The following ATP1A3 variants were observed in gnomAD, a reference collection of about 807,000 sequenced individuals.
ATP1A3 encodes ATPase Na+/K+ transporting subunit alpha 3, also known as sodium/potassium-transporting ATPase subunit alpha-3.
In ATP1A3, 12 loss-of-function variants were observed where a neutral mutation model predicts 108.8. The ratio of observed to expected loss-of-function variants is 0.11; its 90% CI spans 0.07 to 0.18. ATP1A3 has a LOEUF of 0.18. Among genes scored for constraint, ATP1A3 ranks in the 10% least tolerant of loss-of-function variants. The probability of loss-of-function intolerance (pLI) is 1.00; values close to 1 mark genes in which losing one functional copy is unlikely to be tolerated. For synonymous variants in ATP1A3, 539 were observed against 564.5 expected (o/e 0.95, Z 0.64); for missense variants, 498 against 1,387.7 (o/e 0.36, Z 10.19).
intron 15 of ATP1A3, among the ~76,000 whole-genome samples, chr19:41,976,124 C>A (rs1555861095): frequency 6.7e-6 from 1 of 149,820 alleles, no homozygotes; most frequent in African/African-American, 2.5e-5. Flanking sequence ...TCCCTCAGAC[C>A]CAAGGGTCCA....
At chr19:41,971,561 A>G (rs1351227453) in intron 16 of ATP1A3, among the ~76,000 whole-genome samples, 2 of 152,192 alleles carry the variant, frequency 1.3e-5, no homozygotes, top group Non-Finnish European at 2.9e-5. Flanking sequence ...GTCAAATACT[A>G]CACAGCAAGA....
rs148508295 is a variant in ATP1A3, at chr19:41,993,456, G to GCA, written c.6+613_6+614dup. ...TGCCTGCTCCCCTACATGAGGGGCT[G>GCA]CACACACACACACTGCAGCCCCAGG... On this transcript the variant is annotated intron_variant, in intron 1 of 22. Transcript: ENST00000648268. 1.5e-4 allele frequency: 222 copies of GCA among 1,514,498 alleles called. No individual in the cohort carries two copies. In the African/African-American group the frequency reaches 2.5e-3, roughly 17 times the overall value. The allele number at this position is 1,514,498 out of a possible 1,614,324, so 93.8% of individuals were successfully genotyped here. A position where few individuals can be genotyped will look rare whatever the true frequency, so the allele number is the denominator to read the frequency against.
chr19:41,969,438 C>T lies in ATP1A3; in HGVS notation c.2685G>A (p.Gln895=). 2.5e-6 allele frequency: 4 copies of T among 1,614,216 alleles called. No homozygotes were observed. The highest frequency in any genetic ancestry group is 3.4e-6 in the Non-Finnish European group (4 of 1,180,036). ...VNDLEDSYGQ[Q]WTYEQRKVVE... ...CACAGCACCCTGCCCTACTCACCCACTGCTGCCCGTAACTGTCTTCCAGGT... is the reference window on the plus strand; with the variant it reads ...CACAGCACCCTGCCCTACTCACCCATTGCTGCCCGTAACTGTCTTCCAGGT... The change falls in exon 19 of 23, where the codon CAG becomes CAA. Residue 895 remains glutamine (Q), a synonymous_variant. Transcript: ENST00000648268.
chr19:41,971,431 C>T (rs947131773), intron 16 of ATP1A3, among the ~76,000 whole-genome samples: 1 of 152,172 alleles, frequency 6.6e-6, no homozygotes, highest in Non-Finnish European at 1.5e-5. Flanking sequence ...ACTGTTTATG[C>T]CCAGCGAAAA....
intron 1 of ATP1A3, chr19:41,993,177 C>T: frequency 3.0e-5 from 5 of 168,842 alleles, no homozygotes; most frequent in South Asian, 8.3e-5. Context: ...TCTCCTGATT[C>T]CCCCTCCCTT....
At position 41,967,860 on chromosome 19, in the gene ATP1A3, G is replaced by T; in HGVS notation, c.2820-97C>A. On this transcript the variant is annotated intron_variant, in intron 20 of 22. Transcript: ENST00000648268. This position sits in a 1 kb window ranked among gnomAD's most constrained non-coding sequence, Gnocchi z 4.2. ...GGGAGGCACAGTGCAGACACCCAGA[G>T]ACAGCAGCACAGACACAGAGACAGA... 9.8e-7 allele frequency: 1 copy of T among 1,018,558 alleles called. No homozygotes were observed. The highest frequency in any genetic ancestry group is 1.5e-6 in the Non-Finnish European group (1 of 657,430). 63.1% of individuals were successfully genotyped at this position (1,018,558 alleles called of 1,614,324 possible). A position where few individuals can be genotyped will look rare whatever the true frequency, so the allele number is the denominator to read the frequency against.
chr19:41,971,244 C>A (rs782372600), intron 16 of ATP1A3, among the ~76,000 whole-genome samples: 8 of 152,172 alleles, frequency 5.3e-5, no homozygotes, highest in Non-Finnish European at 1.2e-4. Context: ...GCATAAGTCT[C>A]CACACCTGGC....
chr19:41,989,986 T>C (rs1300043495), intron 1 of ATP1A3, among the ~76,000 whole-genome samples: 3 of 152,198 alleles, frequency 2.0e-5, no homozygotes, highest in Admixed American at 6.5e-5. Context: ...CTCTTGGCTG[T>C]GTCTCCCCAG....
intron 4 of ATP1A3, 150 bp downstream of exon 4, chr19:41,987,786 A>G (rs2075300283): frequency 9.2e-7 from 1 of 1,088,866 alleles, no homozygotes; most frequent in African/African-American, 1.6e-5. Flanking sequence ...CTTGTATTTG[A>G]TCTGGTTCTC....
At chr19:41,993,438 T>C (rs1555868047) in intron 1 of ATP1A3, 9 of 1,532,708 alleles carry the variant, frequency 5.9e-6, no homozygotes, top group Non-Finnish European at 7.9e-6. Context: ...CCATGCCTGC[T>C]CCCCTACATG....
intron 1 of ATP1A3, chr19:41,993,319 C>G: frequency 6.9e-7 from 1 of 1,439,264 alleles, no homozygotes; most frequent in Non-Finnish European, 9.4e-7. Context: ...GAGGCAAGGA[C>G]ACAGCCAGGC....
intron 16 of ATP1A3, among the ~76,000 whole-genome samples, 199 bp downstream of exon 16, chr19:41,975,430 G>T (rs1384921872): frequency 1.3e-5 from 2 of 152,192 alleles, no homozygotes; most frequent in African/African-American, 4.8e-5. Flanking sequence ...ACCCTGAAGT[G>T]TGTCAGCTCA....
intron 8 of ATP1A3, among the ~76,000 whole-genome samples, chr19:41,982,617 C>G (rs1216287959): frequency 6.6e-6 from 1 of 150,800 alleles, no homozygotes; most frequent in Non-Finnish European, 1.5e-5. Context: ...CAGAGTGAGA[C>G]TCCAACTCAA....
chr19:41,976,014 A>G (rs2075163627), intron 15 of ATP1A3, among the ~76,000 whole-genome samples: 1 of 147,656 alleles, frequency 6.8e-6, no homozygotes, highest in African/African-American at 2.5e-5. Context: ...CCTCAGACCC[A>G]GAGGTCCAGG....
intron 8 of ATP1A3, chr19:41,984,522 C>T: frequency 4.9e-6 from 1 of 205,974 alleles, no homozygotes; most frequent in South Asian, 8.3e-5. Context: ...GTGCACCCAG[C>T]CTCATTATTT....
At position 41,978,500 on chromosome 19, in the gene ATP1A3, C is replaced by T; in HGVS notation, c.1630+106G>A. On this transcript the variant is annotated intron_variant, in intron 12 of 22. Coordinates refer to ENST00000648268, the MANE Select transcript of ATP1A3 (RefSeq NM_152296.5). This position sits in a 1 kb window ranked among gnomAD's most constrained non-coding sequence, Gnocchi z 8.3. ...CCATCCATTCATTCATTCATTCATT[C>T]ATTTACAGTATATTCTGGGAGGCCC... The T allele has an allele frequency of 1.3e-6, 2 of 1,520,514 alleles. No individual in the cohort carries two copies. Among genetic ancestry groups the T allele is most frequent in the Non-Finnish European group, 1.8e-6 (2 of 1,109,264 alleles). The allele number at this position is 1,520,514 out of a possible 1,614,324, so 94.2% of individuals were successfully genotyped here.
intron 4 of ATP1A3, 70 bp from the exon 5 acceptor site, chr19:41,986,299 G>A: frequency 6.7e-7 from 1 of 1,500,764 alleles, no homozygotes; most frequent in South Asian, 1.1e-5. Flanking sequence ...TGCTCGCCTG[G>A]AGTCTGGGAA....
rs1330675027 is a variant in ATP1A3 at position 41,967,593 on chromosome 19, G to A, written c.2921+69C>T. The A allele has an allele frequency of 3.9e-6, 6 of 1,531,174 alleles. No homozygotes were observed. The East Asian group carries it at 1.1e-4, about 29-fold the overall frequency. The allele number at this position is 1,531,174 out of a possible 1,614,324, so 94.8% of individuals were successfully genotyped here. A position where few individuals can be genotyped will look rare whatever the true frequency, so the allele number is the denominator to read the frequency against. ...AGGGGAGGTGGGGCCTGAGGTTCAG[G>A]CTGAGTCTAAGGGAAGGCTCCATGG... On this transcript the variant is annotated intron_variant, in intron 21 of 22. Transcript: ENST00000648268. The surrounding 1 kb of genome is among the most constrained non-coding windows in gnomAD (Gnocchi z 4.2).
At position 41,984,815 on chromosome 19, in the gene ATP1A3, C is replaced by A. The variant is rs1375210075; in HGVS notation, c.993+103G>T. 9 of 1,370,084 alleles carry A rather than the reference C, an allele frequency of 6.6e-6. No individual in the cohort carries two copies. The African/African-American group carries it at 8.7e-5, about 13-fold the overall frequency. 84.9% of individuals were successfully genotyped at this position (1,370,084 alleles called of 1,614,324 possible). ...CACGGGTCCAGGCCTCTAGCCCCTC[C>A]TCCCTCAGACTCAGGGGTCCAGGAT... On this transcript the variant is annotated intron_variant, in intron 8 of 22. Coordinates refer to ENST00000648268, the MANE Select transcript of ATP1A3 (RefSeq NM_152296.5).
Sources: gnomAD v4.1 joint callset for allele counts (sites outside exome capture counted in the v4.1 genomes callset) on GRCh38, gnomAD v4.1.1 for gene constraint, Gnocchi (gnomAD v3.1) non-coding constraint, MANE v1.5 for transcripts, NCBI Gene and HGNC (gene_info 2026-07-23, HGNC 2026-07-21) for gene names.